NELL1: variants seen among roughly 807,000 people sequenced by gnomAD.
NELL1 encodes neural EGFL like 1.
Under a neutral mutation model 107.4 loss-of-function variants are expected in NELL1, and 76 were observed. That is an observed-to-expected ratio of 0.71 (90% CI 0.59 to 0.86). The LOEUF is 0.86. Among genes scored for constraint, NELL1 ranks in the 40% least tolerant of loss-of-function variants. The probability of loss-of-function intolerance (pLI) is 0.00; values close to 1 mark genes in which losing one functional copy is unlikely to be tolerated. For missense variants in NELL1, 1,024 were observed against 1,005.5 expected (o/e 1.02, Z -0.25); for synonymous variants, 353 against 341.2 (o/e 1.03, Z -0.38).
At chr11:20,775,874 CT>C (rs1856740616) in intron 2 of NELL1, among the ~76,000 whole-genome samples, 1 of 152,154 alleles carries the variant, frequency 6.6e-6, no homozygotes, top group African/African-American at 2.4e-5. Context: ...GTTTAGTCCC[CT>C]AATGGAGGAG....
intron 15 of NELL1, among the ~76,000 whole-genome samples, chr11:21,398,939 G>A (rs920431258): frequency 4.6e-5 from 7 of 151,536 alleles, no homozygotes; most frequent in African/African-American, 1.2e-4. Context: ...CAATTCCCAG[G>A]TAATCCAGTT....
chr11:21,434,391 T>C (rs1188923118), intron 15 of NELL1, among the ~76,000 whole-genome samples: 1 of 152,178 alleles, frequency 6.6e-6, no homozygotes, highest in Non-Finnish European at 1.5e-5. Flanking sequence ...GGGGCTCTAG[T>C]TTCATTGTTC....
chr11:20,740,604 T>A (rs1166045005), intron 2 of NELL1, among the ~76,000 whole-genome samples: 1 of 152,206 alleles, frequency 6.6e-6, no homozygotes, highest in Non-Finnish European at 1.5e-5. Flanking sequence ...TTGCTGCTGA[T>A]GCTGGTGTCC....
At chr11:20,777,673 T>A (rs1856775793) in intron 2 of NELL1, among the ~76,000 whole-genome samples, 1 of 152,242 alleles carries the variant, frequency 6.6e-6, no homozygotes, top group Admixed American at 6.5e-5. Context: ...TTGGGGCCAT[T>A]CTTACCATGA....
In NELL1 at chr11:21,560,392, A is replaced by C; in HGVS notation, c.1980+10A>C. On this transcript the variant is annotated intron_variant, in intron 17 of 19. Transcript: ENST00000357134. ...TGTCTGCTCCTGCAAGGTGAGGCTG[A>C]TGTGGTGCAGCAGAAATTGAAACTG... 1 of 1,552,184 alleles carries C rather than the reference A, an allele frequency of 6.4e-7. No homozygotes were observed. Among genetic ancestry groups the C allele is most frequent in the Non-Finnish European group, 8.7e-7 (1 of 1,152,340 alleles).
chr11:21,259,411 G>A (rs925464806), intron 14 of NELL1, among the ~76,000 whole-genome samples: 2 of 151,796 alleles, frequency 1.3e-5, no homozygotes, highest in African/African-American at 4.8e-5. Flanking sequence ...TGGATATGAG[G>A]GGTAGACTTT....
chr11:20,942,211 C>T (rs931785415), intron 10 of NELL1, among the ~76,000 whole-genome samples: 1 of 152,188 alleles, frequency 6.6e-6, no homozygotes, highest in African/African-American at 2.4e-5. Flanking sequence ...TTCTGTCTCT[C>T]ATTGGCCAGA....
intron 3 of NELL1, among the ~76,000 whole-genome samples, chr11:20,818,733 C>T (rs983384520): frequency 2.0e-5 from 3 of 152,060 alleles, no homozygotes; most frequent in African/African-American, 7.2e-5. Context: ...CAAATGGGTC[C>T]CAAGGGCCAC....
At chr11:20,923,330 G>C (rs1850421771) in intron 7 of NELL1, among the ~76,000 whole-genome samples, 1 of 152,154 alleles carries the variant, frequency 6.6e-6, no homozygotes, top group Non-Finnish European at 1.5e-5. Context: ...TTGATCATGG[G>C]AGCAGCCTGC....
intron 15 of NELL1, among the ~76,000 whole-genome samples, chr11:21,411,368 C>A (rs903461016): frequency 6.6e-6 from 1 of 152,064 alleles, no homozygotes; most frequent in African/African-American, 2.4e-5. Flanking sequence ...TGTGTTGAAA[C>A]TACAACCTGG....
chr11:21,275,594 C>CA (rs772133674), intron 14 of NELL1, among the ~76,000 whole-genome samples: 1 of 151,932 alleles, frequency 6.6e-6, no homozygotes, highest in African/African-American at 2.4e-5. Context: ...AGAGACACAA[C>CA]AAAAAAAGAG....
At position 20,833,016 on chromosome 11, in the gene NELL1, A is replaced by T. The variant is rs187248534; in HGVS notation, c.336-14567A>T. Among the ~76,000 whole-genome samples, 61 of 151,644 alleles carry T rather than the reference A, an allele frequency of 4.0e-4. 1 individual carries two copies. The highest frequency in any genetic ancestry group is 1.4e-3 in the African/African-American group (57 of 41,322). ...GCTAATGATGTCAGCCTTCCCAGTG[A>T]CTCTTATGGGTAGTGGAAATTTCAG... is the stretch of plus-strand genomic sequence containing the variant. On this transcript the variant is annotated intron_variant, in intron 3 of 19. Transcript: ENST00000357134.
chr11:21,572,236 G>C (rs1857114841), intron 18 of NELL1, among the ~76,000 whole-genome samples: 1 of 151,790 alleles, frequency 6.6e-6, no homozygotes, highest in African/African-American at 2.4e-5. Context: ...TTCATAGATA[G>C]AATTTCAAAA....
chr11:21,078,047 A>G (rs1854182145), intron 12 of NELL1, among the ~76,000 whole-genome samples: 1 of 152,144 alleles, frequency 6.6e-6, no homozygotes, highest in South Asian at 2.1e-4. Context: ...GTTACACCTA[A>G]TTACGTCCTT....
chr11:21,245,706 G>A (rs1158769700), intron 14 of NELL1, among the ~76,000 whole-genome samples: 2 of 152,114 alleles, frequency 1.3e-5, no homozygotes, highest in Non-Finnish European at 2.9e-5. Flanking sequence ...GGGTTATTTA[G>A]TAAATGTTCA....
chr11:20,675,084 G>C (rs1854019655), intron 1 of NELL1, among the ~76,000 whole-genome samples: 1 of 152,104 alleles, frequency 6.6e-6, no homozygotes, highest in African/African-American at 2.4e-5. Context: ...GGTCTCCTTG[G>C]ACCAGTGGAC....
intron 2 of NELL1, chr11:20,773,612 C>T (rs1217331277): frequency 6.6e-6 from 1 of 151,968 alleles, no homozygotes; most frequent in Non-Finnish European, 1.5e-5. Context: ...ATTCTCCTGC[C>T]TTAGCCTCCC....
At chr11:20,755,080 C>CG (rs1383550746) in intron 2 of NELL1, among the ~76,000 whole-genome samples, 2 of 152,210 alleles carry the variant, frequency 1.3e-5, no homozygotes, top group Non-Finnish European at 2.9e-5. Flanking sequence ...GACTCATCAT[C>CG]AGCCGTTTCT....
rs1013243539 is a variant in NELL1, at chr11:21,451,024, A to G, written c.1645+80076A>G. Among the ~76,000 whole-genome samples, 45 of 151,778 alleles carry G rather than the reference A, an allele frequency of 3.0e-4. 3 individuals are homozygous for G. Among genetic ancestry groups the G allele is most frequent in the Non-Finnish European group, 2.9e-5 (2 of 67,924 alleles). On this transcript the variant is annotated intron_variant, in intron 15 of 19. Coordinates refer to ENST00000357134, the MANE Select transcript of NELL1 (RefSeq NM_006157.5). ...GCTAACACGGTGAAACCCCGTCTCT[A>G]CTAAAAATACAAAAAAGCCGGGTGT...
Sources: gnomAD v4.1 joint callset for allele counts (sites outside exome capture counted in the v4.1 genomes callset) on GRCh38, gnomAD v4.1.1 for gene constraint, MANE v1.5 for transcripts, NCBI Gene and HGNC (gene_info 2026-07-23, HGNC 2026-07-21) for gene names.